Variants in DISC1 observed in about 807,000 individuals in gnomAD.
DISC1 encodes the protein disrupted in schizophrenia 1 protein.
A neutral mutation model predicts 84.5 loss-of-function variants in DISC1; 57 were observed. The observed-to-expected ratio is 0.67, with a 90% CI of 0.55 to 0.84. The LOEUF (loss-of-function observed/expected upper bound fraction) is 0.84. DISC1 is among the 40% of genes least tolerant of loss of function. DISC1 has a pLI of 0.00. For missense variants in DISC1, 1,000 were observed against 1,057.8 expected (o/e 0.95, Z 0.76); for synonymous variants, 411 against 415.2 (o/e 0.99, Z 0.12).
rs2065569589 is a variant in DISC1, at chr1:231,695,617, C to CTG, written c.1047+819_1047+820dup. 2.2e-5 allele frequency among the ~76,000 whole-genome samples: 3 copies of CTG among 136,646 alleles called. No individual in the cohort carries two copies. In the South Asian group the frequency reaches 6.8e-4, roughly 31 times the overall value. 89.6% of individuals were successfully genotyped at this position (136,646 alleles called of 152,430 possible). A position where few individuals can be genotyped will look rare whatever the true frequency, so the allele number is the denominator to read the frequency against. Reference sequence around the variant, plus strand: ...TGTATGTGTGTGCATGTAGGTGTGCCTGTGTGTGCGTGTGTGTGTGTGCAT... The same window carrying CTG: ...TGTATGTGTGTGCATGTAGGTGTGCCTGTGTGTGTGCGTGTGTGTGTGTGCAT... On this transcript the variant is annotated intron_variant, in intron 2 of 12. Coordinates refer to ENST00000439617, the MANE Select transcript of DISC1 (RefSeq NM_018662.3).
chr1:231,969,286 C>A lies in DISC1; in HGVS notation c.2042+10398C>A, dbSNP rs191483095. Among the ~76,000 whole-genome samples the A allele has an allele frequency of 4.5e-4, 62 of 138,350 alleles. 1 individual carries two copies. Among genetic ancestry groups the A allele is most frequent in the Admixed American group, 4.5e-3 (55 of 12,328 alleles). The allele number at this position is 138,350 out of a possible 152,430, so 90.8% of individuals were successfully genotyped here. A position where few individuals can be genotyped will look rare whatever the true frequency, so the allele number is the denominator to read the frequency against. ...GAAAAAGAAATGAGGTAATTGAGTT[C>A]TTGCTAATGGCTGTGACAGAAGATT... On this transcript the variant is annotated intron_variant, in intron 10 of 12. Transcript: ENST00000439617.
At chr1:231,756,129 C>T (rs2075088581) in intron 4 of DISC1, among the ~76,000 whole-genome samples, 2 of 152,194 alleles carry the variant, frequency 1.3e-5, no homozygotes, top group Admixed American at 1.3e-4. Context: ...ATATGTTACC[C>T]CCATGTTCTG....
At chr1:231,749,591 T>C (rs1378195648) in intron 3 of DISC1, among the ~76,000 whole-genome samples, 2 of 152,198 alleles carry the variant, frequency 1.3e-5, no homozygotes, top group Non-Finnish European at 2.9e-5. Context: ...ACCAAAATTA[T>C]AGTTTTTTTC....
chr1:231,994,956 A>G (rs1232047144), intron 10 of DISC1, among the ~76,000 whole-genome samples: 1 of 152,214 alleles, frequency 6.6e-6, no homozygotes, highest in Non-Finnish European at 1.5e-5. Flanking sequence ...AAGAGAGGGT[A>G]GTTTCAACCA....
intron 10 of DISC1, among the ~76,000 whole-genome samples, chr1:231,962,974 C>T (rs1307798459): frequency 6.6e-6 from 1 of 152,170 alleles, no homozygotes; most frequent in Non-Finnish European, 1.5e-5. Context: ...ACATTGTGGG[C>T]CCCTCTTCTG....
chr1:231,671,799 C>T (rs973241677), intron 1 of DISC1, among the ~76,000 whole-genome samples: 1 of 152,176 alleles, frequency 6.6e-6, no homozygotes, highest in Non-Finnish European at 1.5e-5. Context: ...AGCTACTTAA[C>T]CTCTTGATTC....
chr1:231,950,189 G>T (rs1331584543), intron 9 of DISC1, among the ~76,000 whole-genome samples: 1 of 139,630 alleles, frequency 7.2e-6, no homozygotes, highest in Non-Finnish European at 1.6e-5. Flanking sequence ...CTATAAAAAA[G>T]AATGAAAAAA....
intron 1 of DISC1, among the ~76,000 whole-genome samples, chr1:231,673,396 T>G (rs1490239350): frequency 6.6e-6 from 1 of 152,110 alleles, no homozygotes; most frequent in Admixed American, 6.6e-5. Flanking sequence ...TTTATCATAA[T>G]GCACTATACC....
intron 8 of DISC1, among the ~76,000 whole-genome samples, chr1:231,817,171 A>G (rs977596319): frequency 6.6e-5 from 10 of 151,916 alleles, no homozygotes; most frequent in Non-Finnish European, 1.2e-4. Flanking sequence ...TGCAACCTAC[A>G]CCTCCTGGGT....
intron 9 of DISC1, among the ~76,000 whole-genome samples, chr1:231,950,247 T>TGTGTGTGA (rs1553405395): frequency 6.7e-6 from 1 of 148,668 alleles, no homozygotes; most frequent in Non-Finnish European, 1.5e-5. Context: ...TGTGTGTGTG[T>TGTGTGTGA]GATGCCCATA....
rs71638405 is a variant in DISC1, at chr1:231,806,903, G to A, written c.1792+6693G>A. Among the ~76,000 whole-genome samples the A allele has an allele frequency of 6.7e-3, 1,022 of 152,284 alleles. 18 individuals carry two copies. Among genetic ancestry groups the A allele is most frequent in the African/African-American group, 0.024 (977 of 41,574 alleles). Reference sequence around the variant, plus strand: ...ACTACAGCAAGTGTGTGGTGGGTGCGGCTGACTTGTGCTCTGTGGCTACTA... The same window carrying A: ...ACTACAGCAAGTGTGTGGTGGGTGCAGCTGACTTGTGCTCTGTGGCTACTA... On this transcript the variant is annotated intron_variant, in intron 8 of 12. Coordinates refer to ENST00000439617, the MANE Select transcript of DISC1 (RefSeq NM_018662.3).
At position 231,826,847 on chromosome 1, in the gene DISC1, G is replaced by C. The variant is rs2081892062; in HGVS notation, c.1981+8330G>C. ...AGATTGATACATTACTCAGTTCCTG[G>C]TAAAGAAGTAGTTAGAAGCCCTGTT... On this transcript the variant is annotated intron_variant, in intron 9 of 12. Coordinates refer to ENST00000439617, the MANE Select transcript of DISC1 (RefSeq NM_018662.3). This position sits in a 1 kb window ranked among gnomAD's most constrained non-coding sequence, Gnocchi z 4.2. 6.6e-6 allele frequency among the ~76,000 whole-genome samples: 1 copy of C among 152,144 alleles called. No individual in the cohort carries two copies. Among genetic ancestry groups the C allele is most frequent in the Admixed American group, 6.5e-5 (1 of 15,272 alleles).
chr1:231,664,031 CATCTATCT>C (rs1391795338), intron 1 of DISC1, among the ~76,000 whole-genome samples: 4 of 127,052 alleles, frequency 3.1e-5, no homozygotes, highest in African/African-American at 1.3e-4. Context: ...TCTATCTATC[CATCTATCT>C]ATCCATCCAT....
At chr1:231,898,983 CA>C (rs796315353) in intron 9 of DISC1, among the ~76,000 whole-genome samples, 25 of 144,646 alleles carry the variant, frequency 1.7e-4, no homozygotes, top group Admixed American at 5.5e-4. Flanking sequence ...CCACAAAAAA[CA>C]AAAAAAAAAG....
intron 10 of DISC1, among the ~76,000 whole-genome samples, chr1:232,005,943 CA>C (rs1211213286): frequency 6.6e-6 from 1 of 151,492 alleles, no homozygotes; most frequent in Non-Finnish European, 1.5e-5. Flanking sequence ...TTTGGTTTTC[CA>C]AAAAAAAGTC....
intron 9 of DISC1, among the ~76,000 whole-genome samples, chr1:231,838,306 G>A (rs1045859211): frequency 2.0e-5 from 3 of 152,192 alleles, no homozygotes; most frequent in Admixed American, 2.0e-4. Context: ...CCATCTATCT[G>A]GAATGGTTTG....
intron 3 of DISC1, among the ~76,000 whole-genome samples, chr1:231,716,873 G>C (rs1003212485): frequency 1.4e-4 from 22 of 151,824 alleles, no homozygotes; most frequent in Non-Finnish European, 2.8e-4. Context: ...CCTTGCTCTG[G>C]GTGATGGACT....
chr1:231,626,924 C>T lies in DISC1; in HGVS notation c.57C>T (p.Ser19=), dbSNP rs2125051529. 1 of 1,503,720 alleles carries T rather than the reference C, an allele frequency of 6.7e-7. No individual in the cohort carries two copies. Among genetic ancestry groups the T allele is most frequent in the South Asian group, 1.2e-5 (1 of 81,246 alleles). The allele number at this position is 1,503,720 out of a possible 1,614,324, so 93.1% of individuals were successfully genotyped here. A position where few individuals can be genotyped will look rare whatever the true frequency, so the allele number is the denominator to read the frequency against. Residue 19 remains serine (S), a synonymous_variant, in exon 1 of 13, where the codon AGC becomes AGT. Transcript: ENST00000439617. ...APAAAGGGGV[S]HRAGSRDCLP... ...CCGCCGCCGGCGGCGGCGGCGTGAG[C>T]CACCGCGCAGGTAGGGGAGCTGCCA...
chr1:231,937,858 T>C (rs2091076673), intron 9 of DISC1, among the ~76,000 whole-genome samples: 1 of 151,874 alleles, frequency 6.6e-6, no homozygotes. Context: ...ACTAATCTTT[T>C]TTTTTTTTAA....
Sources: allele counts gnomAD v4.1 joint callset (sites outside exome capture counted in the v4.1 genomes callset), GRCh38; gene constraint gnomAD v4.1.1; non-coding constraint Gnocchi (gnomAD v3.1); transcripts MANE v1.5; gene names NCBI Gene and HGNC (gene_info 2026-07-23, HGNC 2026-07-21).